The following MSH6 variants were observed in gnomAD, a reference collection of about 807,000 sequenced individuals.
MSH6 encodes mutS homolog 6.
A neutral mutation model predicts 119.1 loss-of-function variants in MSH6; 85 were observed. The observed-to-expected ratio is 0.71, with a 90% CI of 0.60 to 0.85. The LOEUF is 0.85. MSH6 is among the 40% of genes least tolerant of loss of function. The probability of loss-of-function intolerance (pLI) is 0.00; values close to 1 mark genes in which losing one functional copy is unlikely to be tolerated. For missense variants in MSH6, 2,163 were observed against 1,655.3 expected (o/e 1.31, Z -5.32); for synonymous variants, 830 against 586.9 (o/e 1.41, Z -5.99).
chr2:47,805,609 T>G lies in MSH6; in HGVS notation c.3557-9T>G. On this transcript the variant is annotated splice_polypyrimidine_tract_variant and intron_variant, in intron 6 of 9. Transcript: ENST00000234420. ...ATGAGTATTCATTTGTGATTTTTTT[T>G]TTTTTAAGGTGAAAGTACATTTTTT... 1 of 1,599,864 alleles carries G rather than the reference T, an allele frequency of 6.3e-7. No individual in the cohort carries two copies.
At chr2:47,806,409 T>TC in intron 8 of MSH6, 43 bp from the exon 9 acceptor site, 1 of 1,613,754 alleles carries the variant, frequency 6.2e-7, no homozygotes, top group Non-Finnish European at 8.5e-7. Flanking sequence ...AGAGGGCACT[T>TC]CTCTTGCTAG....
intron 2 of MSH6, among the ~76,000 whole-genome samples, chr2:47,791,494 C>A (rs894652817): frequency 1.3e-5 from 2 of 152,046 alleles, no homozygotes; most frequent in Admixed American, 1.3e-4. Context: ...TGCGCACTAC[C>A]TGGCCTTCAA....
rs1301670893 is a variant in MSH6 at position 47,798,782 on chromosome 2, C to G, written c.799C>G (p.Pro267Ala). 3 of 1,614,024 alleles carry G rather than the reference C, an allele frequency of 1.9e-6. No individual in the cohort carries two copies. Among genetic ancestry groups the G allele is most frequent in the Non-Finnish European group, 1.7e-6 (2 of 1,180,022 alleles). Residue 267 changes from proline to alanine, a missense_variant, in exon 4 of 10, where the codon CCA (proline) becomes GCA (alanine). Pro to Ala is a conservative substitution (Grantham distance 27, BLOSUM62 -1). Coordinates refer to ENST00000234420, the MANE Select transcript of MSH6 (RefSeq NM_000179.3). Reference sequence around the variant, plus strand: ...TGGTGGCTCTGATGTGGAATTTAAGCCAGACACTAAGGAGGAAGGAAGCAG... The same window carrying G: ...TGGTGGCTCTGATGTGGAATTTAAGGCAGACACTAAGGAGGAAGGAAGCAG... ...DIGGSDVEFK[P>A]DTKEEGSSDE...
At position 47,800,958 on chromosome 2, in the gene MSH6, A is replaced by G. The variant is rs876660688; in HGVS notation, c.2975A>G (p.Glu992Gly). The G allele has an allele frequency of 1.9e-6, 3 of 1,567,038 alleles. 1 individual carries two copies. The highest frequency in any genetic ancestry group is 8.6e-7 in the Non-Finnish European group (1 of 1,158,854). ...AATTTCACCACTCGCAATTTGCCAG[A>G]AGAATACGAGTTGAAATCTACCAAG... ...PENFTTRNLP[E>G]EYELKSTKKG... is the part of the protein sequence containing the mutation. The change falls in exon 4 of 10, where the codon GAA becomes GGA. Residue 992 changes from glutamate to glycine, a missense_variant. Coordinates refer to ENST00000234420, the MANE Select transcript of MSH6 (RefSeq NM_000179.3).
intron 4 of MSH6, among the ~76,000 whole-genome samples, chr2:47,801,609 T>A (rs1294687943): frequency 6.6e-6 from 1 of 152,076 alleles, no homozygotes; most frequent in African/African-American, 2.4e-5. Context: ...GCTCAAGTGA[T>A]CCTCCTGCCT....
At chr2:47,805,973 G>C (rs140824499) in intron 7 of MSH6, among the ~76,000 whole-genome samples, 111 of 152,184 alleles carry the variant, frequency 7.3e-4, no homozygotes, top group African/African-American at 2.5e-3. Flanking sequence ...ACTAATAGGA[G>C]GACTCAGGAA....
downstream of MSH6, chr2:47,808,989 G>A (rs547951571): frequency 2.2e-5 from 11 of 508,608 alleles, no homozygotes; most frequent in East Asian, 1.4e-4. Context: ...AAGCCACCAC[G>A]CCTACCCACA....
At chr2:47,808,803 C>T (rs989446333), downstream of MSH6, 1 of 262,468 alleles carries the variant, frequency 3.8e-6, no homozygotes, top group African/African-American at 2.2e-5. Context: ...AAACATTACA[C>T]AACATGAGTT....
chr2:47,794,354 C>T (rs1177131567), intron 2 of MSH6, among the ~76,000 whole-genome samples: 1 of 152,050 alleles, frequency 6.6e-6, no homozygotes, highest in Non-Finnish European at 1.5e-5. Flanking sequence ...TCACTGCAAT[C>T]TCTGTCTCCG....
Position 47,794,365 on chromosome 2 carries a change from G to T in MSH6, c.458-1529G>T, listed in dbSNP as rs191663187. On this transcript the variant is annotated intron_variant, in intron 2 of 9. Transcript: ENST00000234420. ...TGGCTCACTGCAATCTCTGTCTCCG[G>T]GGTTCAAGTGATCCTCCTGCCTCAG... Among the ~76,000 whole-genome samples the T allele has an allele frequency of 4.3e-3, 651 of 152,016 alleles. 6 individuals carry two copies. Among genetic ancestry groups the T allele is most frequent in the African/African-American group, 0.015 (618 of 41,488 alleles).
At chr2:47,789,737 G>A (rs1021066976) in intron 1 of MSH6, among the ~76,000 whole-genome samples, 1 of 152,088 alleles carries the variant, frequency 6.6e-6, no homozygotes, top group African/African-American at 2.4e-5. Flanking sequence ...ATCTTCCCCT[G>A]TACTTTATCT....
At chr2:47,789,638 G>C (rs1668604662) in intron 1 of MSH6, among the ~76,000 whole-genome samples, 1 of 152,160 alleles carries the variant, frequency 6.6e-6, no homozygotes. Flanking sequence ...ATCTGAGGGG[G>C]ATTGGTTGCA....
chr2:47,808,533 CA>C (rs1244460148), downstream of MSH6: 5 of 979,680 alleles, frequency 5.1e-6, no homozygotes, highest in Non-Finnish European at 7.2e-6. Context: ...AGGACCAAAA[CA>C]AAATTCTTTG....
chr2:47,803,628 C>G lies in MSH6; in HGVS notation c.3381C>G (p.Ala1127=), dbSNP rs786202480. Residue 1127 remains alanine, a synonymous_variant, in exon 5 of 10, where the codon GCC becomes GCG. Transcript: ENST00000234420. ...AAGAGGAGCAGGAAAATGGCAAAGC[C>G]TATTGTGTGCTTGTTACTGGACCAA... is the stretch of plus-strand genomic sequence containing the variant. ...CEEEEQENGK[A]YCVLVTGPNM... The G allele has an allele frequency of 3.7e-6, 6 of 1,614,136 alleles. No homozygotes were observed. The highest frequency in any genetic ancestry group is 5.1e-6 in the Non-Finnish European group (6 of 1,180,012).
chr2:47,806,917 A>T lies in MSH6; in HGVS notation c.*57A>T, dbSNP rs551144193. 37 of 1,256,546 alleles carry T rather than the reference A, an allele frequency of 2.9e-5. No individual in the cohort carries two copies. In the East Asian group the frequency reaches 8.6e-4, roughly 29 times the overall value. 77.8% of individuals were successfully genotyped at this position (1,256,546 alleles called of 1,614,324 possible). On this transcript the variant is annotated 3_prime_UTR_variant, in exon 10 of 10. Coordinates refer to ENST00000234420, the MANE Select transcript of MSH6 (RefSeq NM_000179.3). ...CTGACAAAGGTGGTAAATTCAGACA[A>T]CATTATGATCTAATAAACTTTATTT...
At chr2:47,805,345 A>C (rs1454930819) in intron 6 of MSH6, among the ~76,000 whole-genome samples, 1 of 152,088 alleles carries the variant, frequency 6.6e-6, no homozygotes, top group Non-Finnish European at 1.5e-5. Context: ...ACGCCCAGCT[A>C]ATTTTTTGTA....
At chr2:47,797,775 T>C (rs1669187144) in intron 3 of MSH6, 1 of 192,194 alleles carries the variant, frequency 5.2e-6, no homozygotes, top group African/African-American at 2.4e-5. Context: ...AACCTCAAGA[T>C]GTTATTGTCT....
intron 3 of MSH6, among the ~76,000 whole-genome samples, chr2:47,797,013 T>A (rs1026802175): frequency 6.6e-6 from 1 of 152,068 alleles, no homozygotes; most frequent in East Asian, 1.9e-4. Context: ...TGAAAAAAAT[T>A]GATTAATTTA....
At chr2:47,788,569 TC>T (rs1361898424) in intron 1 of MSH6, among the ~76,000 whole-genome samples, 2 of 141,202 alleles carry the variant, frequency 1.4e-5, no homozygotes, top group African/African-American at 5.3e-5. Context: ...TTTTTCTTTT[TC>T]TTTTTTTTTT....
Sources: allele counts gnomAD v4.1 joint callset (sites outside exome capture counted in the v4.1 genomes callset), GRCh38; gene constraint gnomAD v4.1.1; transcripts MANE v1.5; gene names NCBI Gene and HGNC (gene_info 2026-07-23, HGNC 2026-07-21).